The following FBXO9 variants were observed in gnomAD, a reference collection of about 807,000 sequenced individuals.
FBXO9 encodes the protein F-box only protein 9.
FBXO9 carries 43 observed loss-of-function variants against 63.7 expected under a neutral mutation model. That is an observed-to-expected ratio of 0.67 (90% confidence interval 0.53 to 0.87). The LOEUF (loss-of-function observed/expected upper bound fraction) is 0.87. FBXO9 is among the 40% of genes least tolerant of loss of function. FBXO9 has a pLI of 0.00. For synonymous variants in FBXO9, 156 were observed against 171.7 expected (o/e 0.91, Z 0.72); for missense variants, 442 against 533.2 (o/e 0.83, Z 1.68).
intron 7 of FBXO9, among the ~76,000 whole-genome samples, chr6:53,086,118 C>T (rs1762878426): frequency 6.6e-6 from 1 of 152,094 alleles, no homozygotes; most frequent in African/African-American, 2.4e-5. Context: ...CATTGCGCTC[C>T]AGCCTGAGCA....
At position 53,065,470 on chromosome 6, in the gene FBXO9, C is replaced by T. The variant is rs1768656925; in HGVS notation, c.-320C>T. 3.1e-6 allele frequency: 1 copy of T among 325,972 alleles called. No homozygotes were observed. The highest frequency in any genetic ancestry group is 5.6e-6 in the Non-Finnish European group (1 of 179,392). 20.2% of individuals were successfully genotyped at this position (325,972 alleles called of 1,614,324 possible). On this transcript the variant is annotated 5_prime_UTR_variant, in exon 1 of 13. Transcript: ENST00000323557. The stretch of plus-strand genomic sequence containing the variant: ...AGCTCCGCGGCGGCGTCCGGGGTCT[C>T]CAGTAGGGCTGACGCTCCGGTGCTC...
intron 5 of FBXO9, among the ~76,000 whole-genome samples, chr6:53,079,549 A>T (rs148445898): frequency 7.2e-5 from 11 of 152,314 alleles, no homozygotes; most frequent in African/African-American, 2.6e-4. Flanking sequence ...AAGATCAAGA[A>T]AACTTATTTT....
chr6:53,065,821 AC>A, intron 1 of FBXO9, 29 bp downstream of exon 1: 8 of 1,328,290 alleles, frequency 6.0e-6, no homozygotes, highest in Non-Finnish European at 7.7e-6. Flanking sequence ...TCGAGGGTGG[AC>A]GCCGCGGGGC....
intron 7 of FBXO9, 43 bp downstream of exon 7, chr6:53,082,661 G>A (rs1191992281): frequency 7.3e-7 from 1 of 1,378,760 alleles, no homozygotes; most frequent in African/African-American, 1.4e-5. Context: ...CTGAGGCAAT[G>A]GTGAAAAGAA....
chr6:53,095,211 A>G lies in FBXO9; in HGVS notation c.1054-302A>G, dbSNP rs921121887. 4.5e-4 allele frequency among the ~76,000 whole-genome samples: 69 copies of G among 152,240 alleles called. 1 individual carries two copies. The highest frequency in any genetic ancestry group is 1.6e-3 in the African/African-American group (66 of 41,472). On this transcript the variant is annotated intron_variant, in intron 11 of 12. Transcript: ENST00000323557. ...ATCCCATCTATGTAATGTTGGTTACATAGTAGTTTTACCTCCCTGGATCTT... is the reference window on the plus strand; with the variant it reads ...ATCCCATCTATGTAATGTTGGTTACGTAGTAGTTTTACCTCCCTGGATCTT...
rs144295090 is a variant in FBXO9 at position 53,087,106 on chromosome 6, C to T, written c.653+4488C>T. Among the ~76,000 whole-genome samples the T allele has an allele frequency of 8.3e-3, 1,256 of 152,102 alleles. 17 individuals are homozygous for T. The highest frequency in any genetic ancestry group is 0.013 in the Admixed American group (196 of 15,284). On this transcript the variant is annotated intron_variant, in intron 7 of 12. Coordinates refer to ENST00000323557, the MANE Select transcript of FBXO9 (RefSeq NM_033480.3). The stretch of plus-strand genomic sequence containing the variant: ...CCTATAATCCTAGCACTTTGGGAGG[C>T]TGATGTGGATTGATGGGTTGGACCC...
intron 4 of FBXO9, 26 bp from the exon 5 acceptor site, chr6:53,078,773 T>C: frequency 6.5e-7 from 1 of 1,530,918 alleles, no homozygotes; most frequent in African/African-American, 1.4e-5. Context: ...TGGTCACAGC[T>C]AATTTAGCTT....
At chr6:53,093,361 G>C (rs961324574) in intron 9 of FBXO9, 105 bp from the exon 10 acceptor site, 1 of 658,082 alleles carries the variant, frequency 1.5e-6, no homozygotes, top group Non-Finnish European at 2.6e-6. Flanking sequence ...TGGTATTTCA[G>C]TGTTGGTTTC....
chr6:53,094,180 GT>G (rs2127499666), intron 11 of FBXO9, among the ~76,000 whole-genome samples: 1 of 152,044 alleles, frequency 6.6e-6, no homozygotes, highest in Non-Finnish European at 1.5e-5. Flanking sequence ...CAGCTTTTTT[GT>G]TTTTTACCAG....
intron 12 of FBXO9, 33 bp downstream of exon 12, chr6:53,095,697 A>G (rs1199793005): frequency 1.3e-6 from 2 of 1,554,686 alleles, no homozygotes; most frequent in Non-Finnish European, 1.7e-6. Flanking sequence ...ACAAGGTTAC[A>G]CTATAAATGT....
chr6:53,082,401 G>T (rs544581652), intron 6 of FBXO9, 103 bp from the exon 7 acceptor site: 104 of 662,642 alleles, frequency 1.6e-4, no homozygotes, highest in Non-Finnish European at 2.4e-4. Context: ...AATACAGAGG[G>T]TGTGATTATA....
intron 1 of FBXO9, among the ~76,000 whole-genome samples, chr6:53,069,426 TC>T (rs1768830162): frequency 6.6e-6 from 1 of 152,222 alleles, no homozygotes. Flanking sequence ...TGCCTTAGAC[TC>T]AATTATGTTT....
intron 1 of FBXO9, 188 bp from the exon 2 acceptor site, chr6:53,070,869 G>C: frequency 1.2e-6 from 1 of 869,526 alleles, no homozygotes; most frequent in African/African-American, 1.7e-5. Flanking sequence ...ATGCTTTTCA[G>C]ACTCATTTTC....
Position 53,065,669 on chromosome 6 carries a change from G to T in FBXO9, c.-121G>T. ...GTGCGCTTCTCCGACCGAGAACTCT[G>T]CTAAGCTCCGCTGCAGAGACAGGCA... On this transcript the variant is annotated 5_prime_UTR_variant, in exon 1 of 13. Transcript: ENST00000323557. The T allele has an allele frequency of 1.6e-6, 2 of 1,247,494 alleles. No individual in the cohort carries two copies. Among genetic ancestry groups the T allele is most frequent in the Non-Finnish European group, 2.1e-6 (2 of 955,412 alleles). 77.3% of individuals were successfully genotyped at this position (1,247,494 alleles called of 1,614,324 possible). A position where few individuals can be genotyped will look rare whatever the true frequency, so the allele number is the denominator to read the frequency against.
At position 53,098,207 on chromosome 6, in the gene FBXO9, T is replaced by C; in HGVS notation, c.*377T>C. Reference sequence around the variant, plus strand: ...ACATAAGTCGTCTTCTGCTTGAGTATCCTAATATTTCAATGCATCAGGGGA... The same window carrying C: ...ACATAAGTCGTCTTCTGCTTGAGTACCCTAATATTTCAATGCATCAGGGGA... On this transcript the variant is annotated 3_prime_UTR_variant, in exon 13 of 13. Transcript: ENST00000323557. The C allele has an allele frequency of 2.8e-6, 1 of 354,090 alleles. No individual in the cohort carries two copies. Among genetic ancestry groups the C allele is most frequent in the Non-Finnish European group, 5.9e-6 (1 of 168,974 alleles). 21.9% of individuals were successfully genotyped at this position (354,090 alleles called of 1,614,324 possible).
chr6:53,092,868 C>A, intron 9 of FBXO9, 44 bp downstream of exon 9: 1 of 1,325,234 alleles, frequency 7.5e-7, no homozygotes, highest in Non-Finnish European at 1.1e-6. Flanking sequence ...TCTCTCTCTC[C>A]ATGTATTAGT....
Position 53,078,840 on chromosome 6 carries a change from A to G in FBXO9, c.349A>G (p.Ile117Val), listed in dbSNP as rs748647663. The G allele has an allele frequency of 5.0e-6, 8 of 1,613,914 alleles. No homozygotes were observed. The South Asian group carries it at 5.5e-5, about 11-fold the overall frequency. Reference sequence around the variant, plus strand: ...TAGGGCTATGCAACTTGTACCTGATATAGAGTTCAAGATTACTTATACCCG... The same window carrying G: ...TAGGGCTATGCAACTTGTACCTGATGTAGAGTTCAAGATTACTTATACCCG... ...YRRAMQLVPD[I>V]EFKITYTRSP... Residue 117 changes from isoleucine to valine, a missense_variant, in exon 5 of 13, where the codon ATA becomes GTA. Ile to Val is a conservative substitution (Grantham distance 29, BLOSUM62 3). This residue lies in a region of FBXO9 where 180 missense variants were observed against 171.1 expected (regional missense o/e 1.05). Coordinates refer to ENST00000323557, the MANE Select transcript of FBXO9 (RefSeq NM_033480.3).
chr6:53,073,420 C>A, intron 2 of FBXO9, 61 bp from the exon 3 acceptor site: 1 of 1,417,694 alleles, frequency 7.1e-7, no homozygotes, highest in Non-Finnish European at 9.8e-7. Flanking sequence ...CATATTGATA[C>A]ATTGTTCCAG....
At chr6:53,089,007 C>T (rs1389683794) in intron 7 of FBXO9, among the ~76,000 whole-genome samples, 3 of 151,198 alleles carry the variant, frequency 2.0e-5, no homozygotes, top group Non-Finnish European at 4.4e-5. Flanking sequence ...CTGCAAGCTC[C>T]GCCTCTGGGT....
Sources: gnomAD v4.1 joint callset for allele counts (sites outside exome capture counted in the v4.1 genomes callset) on GRCh38, gnomAD v4.1.1 for gene constraint, gnomAD v4.1.1 regional missense constraint, MANE v1.5 for transcripts, NCBI Gene and HGNC (gene_info 2026-07-23, HGNC 2026-07-21) for gene names.